IQCM: variants seen among roughly 807,000 people sequenced by gnomAD.
IQCM encodes IQ domain-containing protein M.
In IQCM, 45 loss-of-function variants were observed where a neutral mutation model predicts 57.6. The observed-to-expected ratio is 0.78, with a 90% CI of 0.62 to 1.00. The LOEUF is 1.00. IQCM is among the 50% of genes least tolerant of loss of function. The pLI is 0.00. For missense variants in IQCM, 468 were observed against 511.6 expected (o/e 0.91, Z 0.82); for synonymous variants, 148 against 158.9 (o/e 0.93, Z 0.51).
At chr4:149,789,734 C>T (rs1189811853) in intron 2 of IQCM, among the ~76,000 whole-genome samples, 2 of 151,508 alleles carry the variant, frequency 1.3e-5, no homozygotes, top group East Asian at 3.9e-4. Flanking sequence ...GATCTCATCC[C>T]TACTAATAAT....
intron 10 of IQCM, among the ~76,000 whole-genome samples, chr4:149,560,586 C>T (rs1445954707): frequency 6.6e-6 from 1 of 152,006 alleles, no homozygotes; most frequent in Admixed American, 6.5e-5. Flanking sequence ...ACAAACAGCA[C>T]AAAAATTTTT....
intron 13 of IQCM, among the ~76,000 whole-genome samples, chr4:149,375,420 A>T (rs1293778401): frequency 3.3e-5 from 5 of 152,270 alleles, no homozygotes; most frequent in South Asian, 2.1e-4. Context: ...AAATCAGAGA[A>T]GTCTAACACA....
intron 13 of IQCM, among the ~76,000 whole-genome samples, chr4:149,355,517 G>C (rs1236709555): frequency 6.6e-6 from 1 of 151,310 alleles, no homozygotes; most frequent in Non-Finnish European, 1.5e-5. Flanking sequence ...CCTTGCGATA[G>C]TTTGCTGAGA....
chr4:149,809,239 G>T (rs1307119080), intron 2 of IQCM, among the ~76,000 whole-genome samples: 1 of 151,162 alleles, frequency 6.6e-6, no homozygotes, highest in South Asian at 2.1e-4. Context: ...CTCCAGCCTG[G>T]AGACAGAATG....
At chr4:149,468,357 C>A (rs899870743) in intron 12 of IQCM, among the ~76,000 whole-genome samples, 1 of 152,206 alleles carries the variant, frequency 6.6e-6, no homozygotes, top group Admixed American at 6.5e-5. Flanking sequence ...GGGTCCCACA[C>A]CCACGGAGCC....
intron 12 of IQCM, among the ~76,000 whole-genome samples, chr4:149,521,710 A>G (rs1275885256): frequency 6.6e-6 from 1 of 152,254 alleles, no homozygotes; most frequent in East Asian, 1.9e-4. Context: ...TGAGACAAAC[A>G]TGAATTTAAT....
chr4:149,616,665 G>T (rs1442301921), intron 8 of IQCM, among the ~76,000 whole-genome samples: 1 of 152,076 alleles, frequency 6.6e-6, no homozygotes, highest in Non-Finnish European at 1.5e-5. Context: ...AATGAAAAAA[G>T]TCTACTTAGA....
At chr4:149,497,934 G>T (rs1742844060) in intron 12 of IQCM, among the ~76,000 whole-genome samples, 1 of 151,986 alleles carries the variant, frequency 6.6e-6, no homozygotes, top group Non-Finnish European at 1.5e-5. Flanking sequence ...CCACCAAATT[G>T]TAACTGATGT....
chr4:149,668,633 G>A (rs939856131), intron 7 of IQCM, among the ~76,000 whole-genome samples: 21 of 152,056 alleles, frequency 1.4e-4, no homozygotes, highest in Admixed American at 1.3e-3. Flanking sequence ...CATTCTGCAC[G>A]TTTCCCAGAA....
chr4:149,471,279 A>G (rs1260254942), intron 12 of IQCM, among the ~76,000 whole-genome samples: 2 of 152,184 alleles, frequency 1.3e-5, no homozygotes, highest in Non-Finnish European at 2.9e-5. Context: ...AAAAATGATA[A>G]AGAGATATCA....
At chr4:149,450,998 T>C (rs973629964) in intron 12 of IQCM, among the ~76,000 whole-genome samples, 2 of 151,732 alleles carry the variant, frequency 1.3e-5, no homozygotes, top group Non-Finnish European at 3.0e-5. Flanking sequence ...GTGTTTAGTA[T>C]TCAGCCATAA....
At chr4:149,537,443 T>C (rs906252225) in intron 12 of IQCM, among the ~76,000 whole-genome samples, 3 of 151,686 alleles carry the variant, frequency 2.0e-5, no homozygotes, top group Non-Finnish European at 4.4e-5. Flanking sequence ...AAGAAAGATG[T>C]AAAAATAAAC....
At chr4:149,424,287 G>A (rs1229020133) in intron 13 of IQCM, among the ~76,000 whole-genome samples, 2 of 151,494 alleles carry the variant, frequency 1.3e-5, no homozygotes, top group Admixed American at 1.3e-4. Context: ...ATTTTACTTT[G>A]ATGTAAACAT....
chr4:149,472,411 C>A (rs1739670334), intron 12 of IQCM, among the ~76,000 whole-genome samples: 1 of 152,116 alleles, frequency 6.6e-6, no homozygotes, highest in South Asian at 2.1e-4. Context: ...ATCCAACTTA[C>A]AAGGGATGTG....
Position 149,549,870 on chromosome 4 carries a change from G to A in IQCM, c.1094-1281C>T, listed in dbSNP as rs542841693. On this transcript the variant is annotated intron_variant, in intron 11 of 13. Transcript: ENST00000636793. ...AGCTATGAGACATCAACAGATTCAAGACATATTTAGTGATTGTCTAAATAT... is the reference window on the plus strand; with the variant it reads ...AGCTATGAGACATCAACAGATTCAAAACATATTTAGTGATTGTCTAAATAT... 5.9e-5 allele frequency among the ~76,000 whole-genome samples: 9 copies of A among 152,248 alleles called. No homozygotes were observed. In the East Asian group the frequency reaches 1.5e-3, roughly 26 times the overall value.
chr4:149,769,767 A>C (rs1005567317), intron 2 of IQCM, among the ~76,000 whole-genome samples: 1 of 151,570 alleles, frequency 6.6e-6, no homozygotes, highest in Non-Finnish European at 1.5e-5. Context: ...GCACCTAATA[A>C]CAGAGCTTGA....
rs2149888628 is a variant in IQCM at position 149,733,332 on chromosome 4, A to G, written c.297T>C (p.Leu99=). The change falls in exon 5 of 14, where the codon CTT becomes CTC. Residue 99 remains leucine (L), a synonymous_variant. Coordinates refer to ENST00000636793, the MANE Select transcript of IQCM (RefSeq NM_001363507.2). ...FPKELSKSEH[L]QEPPQRISFK... is the part of the protein sequence containing the mutation. Reference sequence around the variant, plus strand: ...AGGAGATTCGTTGTGGGGGTTCCTGAAGATGCTCGCTTTTGGAAAGCTCCT... The same window carrying G: ...AGGAGATTCGTTGTGGGGGTTCCTGGAGATGCTCGCTTTTGGAAAGCTCCT... 1 of 1,231,748 alleles carries G rather than the reference A, an allele frequency of 8.1e-7. No homozygotes were observed. Among genetic ancestry groups the G allele is most frequent in the Admixed American group, 4.2e-5 (1 of 23,680 alleles). 76.3% of individuals were successfully genotyped at this position (1,231,748 alleles called of 1,614,324 possible). A position where few individuals can be genotyped will look rare whatever the true frequency, so the allele number is the denominator to read the frequency against.
intron 12 of IQCM, among the ~76,000 whole-genome samples, chr4:149,475,057 C>A (rs1167776379): frequency 1.3e-5 from 2 of 152,104 alleles, no homozygotes; most frequent in African/African-American, 2.4e-5. Context: ...AAAGACATAA[C>A]CTAACATATT....
At chr4:149,441,616 T>G (rs1735949527) in intron 12 of IQCM, among the ~76,000 whole-genome samples, 1 of 152,158 alleles carries the variant, frequency 6.6e-6, no homozygotes, top group Non-Finnish European at 1.5e-5. Context: ...CCAGAAGCCT[T>G]CTTTCCATTA....
Sources: gnomAD v4.1 joint callset for allele counts (sites outside exome capture counted in the v4.1 genomes callset) on GRCh38, gnomAD v4.1.1 for gene constraint, MANE v1.5 for transcripts, NCBI Gene and HGNC (gene_info 2026-07-23, HGNC 2026-07-21) for gene names.